The following PTPRD variants were observed in gnomAD, a reference collection of about 807,000 sequenced individuals.
PTPRD encodes receptor-type tyrosine-protein phosphatase delta.
Under a neutral mutation model 214.5 loss-of-function variants are expected in PTPRD, and 34 were observed. The observed-to-expected ratio is 0.16, with a 90% CI of 0.12 to 0.21. PTPRD has a LOEUF of 0.21. PTPRD is among the 10% of genes least tolerant of loss of function. PTPRD has a pLI of 1.00. For synonymous variants in PTPRD, 1,128 were observed against 845.7 expected, an observed-to-expected ratio of 1.33 and a Z score of -5.79; for missense variants, 2,545 against 2,398.7, an observed-to-expected ratio of 1.06 and a Z score of -1.27.
At chr9:9,931,194 A>G (rs1488066010) in intron 5 of PTPRD, among the ~76,000 whole-genome samples, 1 of 152,208 alleles carries the variant, frequency 6.6e-6, no homozygotes, top group Non-Finnish European at 1.5e-5. Context: ...TAAAAATAAA[A>G]AAAAGAATTA....
intron 9 of PTPRD, among the ~76,000 whole-genome samples, chr9:9,271,809 ACTT>A (rs1403972446): frequency 2.0e-5 from 3 of 151,390 alleles, no homozygotes; most frequent in Non-Finnish European, 4.4e-5. Flanking sequence ...TGATTGTGTT[ACTT>A]CTTCTATTAT....
chr9:8,345,598 A>G (rs1055960613), intron 39 of PTPRD, among the ~76,000 whole-genome samples: 3 of 152,038 alleles, frequency 2.0e-5, no homozygotes, highest in Non-Finnish European at 4.4e-5. Flanking sequence ...AAGGGTGGAG[A>G]TTGTGTCATT....
chr9:9,261,923 C>G (rs1400967400), intron 9 of PTPRD, among the ~76,000 whole-genome samples: 1 of 151,600 alleles, frequency 6.6e-6, no homozygotes, highest in Admixed American at 6.6e-5. Flanking sequence ...GGAAGGCATC[C>G]TACTAATAAA....
At chr9:9,793,188 C>G (rs2098979357) in intron 5 of PTPRD, among the ~76,000 whole-genome samples, 1 of 152,130 alleles carries the variant, frequency 6.6e-6, no homozygotes, top group East Asian at 1.9e-4. Context: ...CCTATATTCA[C>G]AAAAATTGCT....
chr9:9,713,578 C>T (rs1178885850), intron 7 of PTPRD, among the ~76,000 whole-genome samples: 2 of 152,054 alleles, frequency 1.3e-5, no homozygotes, highest in Non-Finnish European at 2.9e-5. Context: ...AGATTTTTGA[C>T]ATTTTGAGAC....
chr9:10,269,546 T>C (rs1169210185), intron 3 of PTPRD, among the ~76,000 whole-genome samples: 1 of 152,206 alleles, frequency 6.6e-6, no homozygotes, highest in African/African-American at 2.4e-5. Context: ...TGCTCTACTG[T>C]TGCTTACACT....
chr9:9,191,026 C>T (rs59417108), intron 9 of PTPRD, among the ~76,000 whole-genome samples: 8,518 of 152,080 alleles, frequency 0.056, 547 homozygotes, highest in African/African-American at 0.15. Flanking sequence ...GTGTAACCTC[C>T]TCCCCTTGAA....
At chr9:9,772,025 A>G (rs1214226094) in intron 5 of PTPRD, among the ~76,000 whole-genome samples, 2 of 152,136 alleles carry the variant, frequency 1.3e-5, no homozygotes, top group African/African-American at 2.4e-5. Context: ...GTGTCCCATA[A>G]AATTCCTGTG....
chr9:10,516,087 TATCCAAAAATAG>T lies in PTPRD; in HGVS notation c.-600+96299_-600+96310del, dbSNP rs1566672160. ...ATTTATTGAAATTATTTTGAACAAA[TATCCAAAAATAG>T]GATTGATGGGTCATATGGTAGCTCT... On this transcript the variant is annotated intron_variant, in intron 2 of 45. Transcript: ENST00000381196. Among the ~76,000 whole-genome samples, 36 of 152,054 alleles carry T rather than the reference TATCCAAAAATAG, an allele frequency of 2.4e-4. No homozygotes were observed. In the South Asian group the frequency reaches 2.5e-3, roughly 11 times the overall value.
chr9:8,386,300 C>T (rs1044928945), intron 37 of PTPRD, among the ~76,000 whole-genome samples: 1 of 152,144 alleles, frequency 6.6e-6, no homozygotes, highest in African/African-American at 2.4e-5. Flanking sequence ...TATCCCCATG[C>T]AGTCCTGCGT....
intron 3 of PTPRD, among the ~76,000 whole-genome samples, chr9:10,259,892 T>C (rs577374203): frequency 1.4e-4 from 22 of 152,258 alleles, no homozygotes; most frequent in African/African-American, 5.3e-4. Context: ...ATGAACTCCC[T>C]CTGTCATACT....
intron 14 of PTPRD, among the ~76,000 whole-genome samples, chr9:8,542,452 T>G (rs187362132): frequency 6.2e-4 from 95 of 152,324 alleles, no homozygotes; most frequent in African/African-American, 2.3e-3. Context: ...AATGTCAATT[T>G]TACAAGGGTT....
At chr9:8,900,022 A>G (rs1198342816) in intron 11 of PTPRD, among the ~76,000 whole-genome samples, 1 of 152,160 alleles carries the variant, frequency 6.6e-6, no homozygotes, top group Non-Finnish European at 1.5e-5. Flanking sequence ...TAAATTTTTT[A>G]CTAAAATCTT....
At chr9:8,848,052 A>C (rs1415926216) in intron 11 of PTPRD, among the ~76,000 whole-genome samples, 1 of 151,818 alleles carries the variant, frequency 6.6e-6, no homozygotes. Context: ...GATTTTAAGA[A>C]CTATTCTTGG....
chr9:10,483,064 C>T (rs2099110890), intron 2 of PTPRD, among the ~76,000 whole-genome samples: 1 of 152,088 alleles, frequency 6.6e-6, no homozygotes, highest in Non-Finnish European at 1.5e-5. Context: ...AACCAAACAG[C>T]ATGGCACTAG....
chr9:10,080,480 G>C (rs901465146), intron 3 of PTPRD, among the ~76,000 whole-genome samples: 2 of 152,014 alleles, frequency 1.3e-5, no homozygotes, highest in Non-Finnish European at 2.9e-5. Context: ...AAATGCATTA[G>C]AAGAAACAAG....
chr9:8,413,841 A>G (rs1432688686), intron 35 of PTPRD, among the ~76,000 whole-genome samples: 1 of 152,120 alleles, frequency 6.6e-6, no homozygotes, highest in African/African-American at 2.4e-5. Context: ...ATTACTCTCA[A>G]AGATTAGTAT....
At chr9:10,388,299 A>G (rs2097966290) in intron 2 of PTPRD, among the ~76,000 whole-genome samples, 1 of 151,780 alleles carries the variant, frequency 6.6e-6, no homozygotes, top group South Asian at 2.1e-4. Context: ...TCTCTTCCCA[A>G]ATGGAAAGGA....
intron 11 of PTPRD, among the ~76,000 whole-genome samples, chr9:8,809,862 G>C (rs543107287): frequency 6.6e-6 from 1 of 152,108 alleles, no homozygotes; most frequent in African/African-American, 2.4e-5. Context: ...TCTTCACCAG[G>C]AATATCAAGG....
Sources: allele counts gnomAD v4.1 joint callset (sites outside exome capture counted in the v4.1 genomes callset), GRCh38; gene constraint gnomAD v4.1.1; transcripts MANE v1.5; gene names NCBI Gene and HGNC (gene_info 2026-07-23, HGNC 2026-07-21).